The following ADGRL2 variants were observed in gnomAD, a reference collection of about 807,000 sequenced individuals.
ADGRL2 encodes the protein calcium-independent alpha-latrotoxin receptor 2.
Under a neutral mutation model 157.4 loss-of-function variants are expected in ADGRL2, and 44 were observed. The observed-to-expected ratio is 0.28, with a 90% CI of 0.22 to 0.36. The LOEUF is 0.36. Among genes scored for constraint, ADGRL2 ranks in the 10% least tolerant of loss-of-function variants. ADGRL2 has a pLI of 1.00. For synonymous variants in ADGRL2, 585 were observed against 624.7 expected (o/e 0.94, Z 0.95); for missense variants, 1,510 against 1,768.9 (o/e 0.85, Z 2.63).
chr1:81,676,065 G>A (rs551691382), intron 3 of ADGRL2, among the ~76,000 whole-genome samples: 92 of 152,160 alleles, frequency 6.0e-4, no homozygotes, highest in Non-Finnish European at 1.1e-3. Context: ...GCAATGGCAC[G>A]ATCTCAGCTC....
intron 1 of ADGRL2, among the ~76,000 whole-genome samples, chr1:81,402,161 A>G (rs1278986994): frequency 6.6e-6 from 1 of 152,168 alleles, no homozygotes. Flanking sequence ...ACTAAATGAG[A>G]AGATCACTAT....
chr1:81,707,250 A>G (rs1035001909), intron 1 of ADGRL2, among the ~76,000 whole-genome samples: 1 of 152,172 alleles, frequency 6.6e-6, no homozygotes, highest in Non-Finnish European at 1.5e-5. Flanking sequence ...AAGGATGACT[A>G]AGGCCATAAA....
chr1:81,564,707 C>T (rs1175923880), intron 2 of ADGRL2, among the ~76,000 whole-genome samples: 1 of 152,152 alleles, frequency 6.6e-6, no homozygotes, highest in Non-Finnish European at 1.5e-5. Context: ...CCAGCCCATG[C>T]TGAAGGGGAG....
chr1:81,639,631 G>A (rs1345793263), intron 3 of ADGRL2, among the ~76,000 whole-genome samples: 1 of 149,926 alleles, frequency 6.7e-6, no homozygotes. Context: ...ATCTCAGACA[G>A]AGCAGACTTC....
At chr1:81,936,474 A>G (rs1396561034) in intron 3 of ADGRL2, among the ~76,000 whole-genome samples, 1 of 151,946 alleles carries the variant, frequency 6.6e-6, no homozygotes, top group Non-Finnish European at 1.5e-5. Context: ...TATAACAATG[A>G]TAGGAAACTG....
At chr1:81,330,877 G>A (rs77885325) in intron 1 of ADGRL2, among the ~76,000 whole-genome samples, 2 of 152,138 alleles carry the variant, frequency 1.3e-5, no homozygotes. Flanking sequence ...TTGCTCAACG[G>A]ATGTTTTAAA....
At chr1:81,387,957 T>C (rs1350911277) in intron 1 of ADGRL2, among the ~76,000 whole-genome samples, 1 of 152,164 alleles carries the variant, frequency 6.6e-6, no homozygotes, top group African/African-American at 2.4e-5. Flanking sequence ...CAATGCTTTT[T>C]CTAAATGATT....
At chr1:81,914,731 G>A (rs1331683217) in intron 3 of ADGRL2, among the ~76,000 whole-genome samples, 1 of 152,110 alleles carries the variant, frequency 6.6e-6, no homozygotes, top group Non-Finnish European at 1.5e-5. Flanking sequence ...TCGTGGCCTA[G>A]TTGTTTCAAG....
chr1:81,475,979 A>C (rs181948490), intron 2 of ADGRL2, among the ~76,000 whole-genome samples: 142 of 152,338 alleles, frequency 9.3e-4, no homozygotes, highest in African/African-American at 2.9e-3. Flanking sequence ...GTTCTCTGCT[A>C]CAAGAAAACC....
intron 3 of ADGRL2, chr1:81,625,564 C>T (rs773081442): frequency 2.0e-5 from 3 of 152,096 alleles, no homozygotes; most frequent in Non-Finnish European, 2.9e-5. Flanking sequence ...GTTTTACTTA[C>T]GGTAAGAAAC....
chr1:81,723,511 A>G (rs1021901768), intron 1 of ADGRL2, among the ~76,000 whole-genome samples: 3 of 152,196 alleles, frequency 2.0e-5, no homozygotes, highest in Non-Finnish European at 4.4e-5. Flanking sequence ...GGCAGGGAAG[A>G]TACTTATGTA....
At chr1:81,491,066 A>G (rs1367040653) in intron 2 of ADGRL2, among the ~76,000 whole-genome samples, 3 of 152,194 alleles carry the variant, frequency 2.0e-5, no homozygotes, top group Admixed American at 6.5e-5. Flanking sequence ...TGTTTCCAGT[A>G]ACCATTAAAT....
At chr1:81,658,972 G>A (rs540415763) in intron 3 of ADGRL2, among the ~76,000 whole-genome samples, 2 of 150,872 alleles carry the variant, frequency 1.3e-5, no homozygotes, top group African/African-American at 2.4e-5. Flanking sequence ...AGCTGGTCTC[G>A]AATTCCTGAC....
At position 81,869,260 on chromosome 1, in the gene ADGRL2, G is replaced by A. The variant is rs911728304; in HGVS notation, c.73+32203G>A. Among the ~76,000 whole-genome samples, 4 of 151,748 alleles carry A rather than the reference G, an allele frequency of 2.6e-5. No homozygotes were observed. The South Asian group carries it at 6.2e-4, about 24-fold the overall frequency. On this transcript the variant is annotated intron_variant, in intron 2 of 23. Transcript: ENST00000686636. ...TTTTTCTTTCCTTTTCACCTTCGAAGTTTCTTTTTAGTTATTTTCAAAGAC... is the reference window on the plus strand; with the variant it reads ...TTTTTCTTTCCTTTTCACCTTCGAAATTTCTTTTTAGTTATTTTCAAAGAC...
intron 2 of ADGRL2, among the ~76,000 whole-genome samples, chr1:81,904,886 A>G (rs1198944551): frequency 6.6e-6 from 1 of 151,764 alleles, no homozygotes; most frequent in Non-Finnish European, 1.5e-5. Flanking sequence ...GGGCAGGGGG[A>G]AAGAAAGAGT....
intron 11 of ADGRL2, among the ~76,000 whole-genome samples, chr1:81,959,803 T>G (rs760789789): frequency 3.3e-5 from 5 of 152,034 alleles, no homozygotes; most frequent in Non-Finnish European, 5.9e-5. Context: ...TCAGTTGAGT[T>G]TTGTTTTTTT....
chr1:81,810,923 C>G (rs898384753), intron 1 of ADGRL2, among the ~76,000 whole-genome samples: 1 of 151,814 alleles, frequency 6.6e-6, no homozygotes, highest in Non-Finnish European at 1.5e-5. Flanking sequence ...TTCTCTCTGT[C>G]ACAAAGAAGA....
intron 1 of ADGRL2, among the ~76,000 whole-genome samples, chr1:81,431,283 A>AAAT (rs2077315830): frequency 6.6e-6 from 1 of 152,136 alleles, no homozygotes; most frequent in African/African-American, 2.4e-5. Context: ...TTTTCAAGGG[A>AAAT]ATTGACTACT....
intron 3 of ADGRL2, among the ~76,000 whole-genome samples, chr1:81,920,396 G>A (rs894323618): frequency 6.6e-6 from 1 of 151,984 alleles, no homozygotes; most frequent in Non-Finnish European, 1.5e-5. Context: ...TGCCTCCCAC[G>A]TTCGCCTTTC....
Sources: gnomAD v4.1 joint callset for allele counts (sites outside exome capture counted in the v4.1 genomes callset) on GRCh38, gnomAD v4.1.1 for gene constraint, MANE v1.5 for transcripts, NCBI Gene and HGNC (gene_info 2026-07-23, HGNC 2026-07-21) for gene names.